PCDHA11: variants seen among roughly 807,000 people sequenced by gnomAD.
PCDHA11 encodes the protein protocadherin alpha-11.
A neutral mutation model predicts 70.3 loss-of-function variants in PCDHA11; 61 were observed. The observed-to-expected ratio is 0.87, with a 90% CI of 0.71 to 1.07. The LOEUF (loss-of-function observed/expected upper bound fraction) is 1.07, where lower values mean the gene tolerates loss of function less well. Among genes scored for constraint, PCDHA11 ranks in the 50% least tolerant of loss-of-function variants. The pLI is 0.00. For synonymous variants in PCDHA11, 633 were observed against 555.1 expected (o/e 1.14, Z -1.97); for missense variants, 1,324 against 1,237.5 (o/e 1.07, Z -1.05).
At chr5:140,876,662 T>C in intron 1 of PCDHA11, 1 of 1,614,232 alleles carries the variant, frequency 6.2e-7, no homozygotes, top group Non-Finnish European at 8.5e-7. Flanking sequence ...CCCTTCAAGC[T>C]GGTGTCCACC....
At chr5:140,875,251 A>T in intron 1 of PCDHA11, 1 of 1,029,376 alleles carries the variant, frequency 9.7e-7, no homozygotes. Context: ...ATAATCAGTC[A>T]CATGATGTCG....
chr5:140,994,017 T>C (rs2153920554), intron 3 of PCDHA11, among the ~76,000 whole-genome samples: 1 of 152,336 alleles, frequency 6.6e-6, no homozygotes, highest in South Asian at 2.1e-4. Flanking sequence ...TTCTAGGTGA[T>C]GCAGATATAA....
At chr5:140,967,919 G>A (rs1554230110) in intron 1 of PCDHA11, 1 of 1,614,212 alleles carries the variant, frequency 6.2e-7, no homozygotes, top group South Asian at 1.1e-5. Flanking sequence ...CACCATTGTG[G>A]CCGTTCTCAG....
At chr5:140,969,120 G>T (rs1333559202) in intron 1 of PCDHA11, 1 of 1,613,970 alleles carries the variant, frequency 6.2e-7, no homozygotes, top group Non-Finnish European at 8.5e-7. Flanking sequence ...CGAGGGAATG[G>T]CTCCCTCACC....
chr5:140,980,275 C>G (rs1288435032), intron 2 of PCDHA11, among the ~76,000 whole-genome samples: 1 of 152,196 alleles, frequency 6.6e-6, no homozygotes. Flanking sequence ...AGTACCAACT[C>G]TTGAAAAGTA....
At chr5:140,884,120 G>A in intron 1 of PCDHA11, 1 of 1,613,322 alleles carries the variant, frequency 6.2e-7, no homozygotes, top group Non-Finnish European at 8.5e-7. Flanking sequence ...GGCGGTCGGC[G>A]CGCGCATCCC....
At chr5:140,937,326 C>G (rs1287239556) in intron 1 of PCDHA11, among the ~76,000 whole-genome samples, 2 of 152,046 alleles carry the variant, frequency 1.3e-5, no homozygotes, top group Non-Finnish European at 2.9e-5. Flanking sequence ...CGTGAGCCAC[C>G]GCGCCCGGCT....
intron 1 of PCDHA11, among the ~76,000 whole-genome samples, chr5:140,934,422 A>G (rs2089824417): frequency 1.3e-5 from 2 of 152,176 alleles, no homozygotes; most frequent in South Asian, 2.1e-4. Flanking sequence ...TGCATTATCA[A>G]TGCAAGTGTA....
chr5:140,968,761 T>C (rs782432205), intron 1 of PCDHA11: 1 of 1,614,140 alleles, frequency 6.2e-7, no homozygotes, highest in South Asian at 1.1e-5. Flanking sequence ...TCCGAGATAA[T>C]GGAGAGCCAT....
intron 2 of PCDHA11, 101 bp downstream of exon 2, chr5:140,979,108 A>G: frequency 6.6e-7 from 1 of 1,526,122 alleles, no homozygotes; most frequent in African/African-American, 1.4e-5. Flanking sequence ...AAAACTAAAA[A>G]GCTTTAGGTA....
chr5:141,005,031 A>G (rs2098194150), intron 3 of PCDHA11, among the ~76,000 whole-genome samples: 1 of 152,212 alleles, frequency 6.6e-6, no homozygotes, highest in South Asian at 2.1e-4. Context: ...ATAATTGCCC[A>G]TATGTGATAC....
At chr5:140,900,178 T>G (rs972449455) in intron 1 of PCDHA11, among the ~76,000 whole-genome samples, 1 of 152,238 alleles carries the variant, frequency 6.6e-6, no homozygotes, top group East Asian at 1.9e-4. Flanking sequence ...GCCTGGTTTA[T>G]GTCACTTATA....
intron 1 of PCDHA11, among the ~76,000 whole-genome samples, chr5:140,961,915 G>A (rs1393178053): frequency 2.0e-5 from 3 of 147,010 alleles, no homozygotes; most frequent in East Asian, 4.0e-4. Context: ...ATGGAGTCTC[G>A]CTCTGTTGCC....
At chr5:140,933,490 A>G (rs1554209400) in intron 1 of PCDHA11, among the ~76,000 whole-genome samples, 1 of 152,104 alleles carries the variant, frequency 6.6e-6, no homozygotes, top group African/African-American at 2.4e-5. Flanking sequence ...GTTATTCTTT[A>G]GAATTGTTAA....
intron 1 of PCDHA11, chr5:140,968,403 T>C (rs1554230673): frequency 6.2e-7 from 1 of 1,613,984 alleles, no homozygotes; most frequent in Non-Finnish European, 8.5e-7. Context: ...CGGGAGTTCT[T>C]TGTGACTGTG....
chr5:140,928,824 A>C (rs782336122), intron 1 of PCDHA11: 2 of 1,614,110 alleles, frequency 1.2e-6, no homozygotes, highest in Non-Finnish European at 1.7e-6. Flanking sequence ...ATGGAGACCC[A>C]CCACTTTCCT....
intron 1 of PCDHA11, among the ~76,000 whole-genome samples, chr5:140,899,871 T>G (rs76112838): frequency 0.014 from 2,117 of 152,008 alleles, 43 homozygotes; most frequent in African/African-American, 0.049. Context: ...GCAGTGGTAT[T>G]AACAGAACTC....
rs544594142 is a variant in PCDHA11, at chr5:141,011,456, T to C, written c.*1519T>C. On this transcript the variant is annotated 3_prime_UTR_variant, in exon 4 of 4. Transcript: ENST00000398640. Reference sequence around the variant, plus strand: ...TACCTAGAGTGAACTTTAAGCTTTATTGTTGAATGTAATTCCATTATATTT... The same window carrying C: ...TACCTAGAGTGAACTTTAAGCTTTACTGTTGAATGTAATTCCATTATATTT... The C allele has an allele frequency of 1.3e-5, 2 of 153,928 alleles. No homozygotes were observed. The highest frequency in any genetic ancestry group is 6.8e-3 in the Middle Eastern group (2 of 292). 9.5% of individuals were successfully genotyped at this position (153,928 alleles called of 1,614,324 possible).
At chr5:140,938,684 A>T (rs1554212293) in intron 1 of PCDHA11, among the ~76,000 whole-genome samples, 1 of 152,046 alleles carries the variant, frequency 6.6e-6, no homozygotes, top group African/African-American at 2.4e-5. Flanking sequence ...CATTTTCTTT[A>T]CAGTTTTTAA....
Sources: gnomAD v4.1 joint callset for allele counts (sites outside exome capture counted in the v4.1 genomes callset) on GRCh38, gnomAD v4.1.1 for gene constraint, MANE v1.5 for transcripts, NCBI Gene and HGNC (gene_info 2026-07-23, HGNC 2026-07-21) for gene names.